Variants in ATAD2B observed in about 807,000 individuals in gnomAD.
The protein encoded by ATAD2B is ATPase family AAA domain containing 2B.
A neutral mutation model predicts 167.6 loss-of-function variants in ATAD2B; 40 were observed. The ratio of observed to expected loss-of-function variants is 0.24; its 90% CI spans 0.19 to 0.31. The LOEUF is 0.31. Ranked by LOEUF, ATAD2B falls within the 10% of genes least tolerant of loss-of-function variation. ATAD2B has a pLI of 1.00. For synonymous variants in ATAD2B, 579 were observed against 596.5 expected (o/e 0.97, Z 0.43); for missense variants, 1,242 against 1,757.2 (o/e 0.71, Z 5.24).
rs569353939 is a variant in ATAD2B at position 23,912,896 on chromosome 2, C to T, written c.216+13659G>A. 1.4e-4 allele frequency among the ~76,000 whole-genome samples: 22 copies of T among 152,096 alleles called. No individual in the cohort carries two copies. The South Asian group carries it at 2.1e-3, about 14-fold the overall frequency. ...CTGTAATTTCAGCTACTCGGGAGGC[C>T]GAGACAGGAGAATCACTGGAAACCA... On this transcript the variant is annotated intron_variant, in intron 1 of 27. Transcript: ENST00000238789.
At chr2:23,736,177 T>A in the ATAD2B span, among the ~76,000 whole-genome samples, 1 of 152,220 alleles carries the variant, frequency 6.6e-6, no homozygotes, top group Non-Finnish European at 1.5e-5. Flanking sequence ...TAATTATTTC[T>A]CATCTATACA....
intron 20 of ATAD2B, chr2:23,788,241 G>C (rs1259143894): frequency 2.8e-6 from 1 of 363,598 alleles, no homozygotes; most frequent in African/African-American, 2.0e-5. Flanking sequence ...TTTTTTCTAT[G>C]ACTTTTTGAG....
intron 19 of ATAD2B, 38 bp downstream of exon 19, chr2:23,798,100 A>G (rs1682893768): frequency 1.6e-6 from 2 of 1,281,838 alleles, no homozygotes; most frequent in African/African-American, 1.5e-5. Flanking sequence ...TTTTAGAACA[A>G]TATAATAAGG....
chr2:23,699,208 T>C, the ATAD2B span, among the ~76,000 whole-genome samples: 2 of 152,196 alleles, frequency 1.3e-5, no homozygotes, highest in Non-Finnish European at 2.9e-5. Flanking sequence ...GGCTCTGGGC[T>C]GTGACTGAGT....
At chr2:23,769,493 T>C (rs896826624) in intron 22 of ATAD2B, among the ~76,000 whole-genome samples, 2 of 152,112 alleles carry the variant, frequency 1.3e-5, no homozygotes, top group East Asian at 3.9e-4. Context: ...CAGCCCTTTG[T>C]ATCCACAGGT....
At chr2:23,806,813 T>C (rs1179383063) in intron 18 of ATAD2B, among the ~76,000 whole-genome samples, 1 of 152,212 alleles carries the variant, frequency 6.6e-6, no homozygotes, top group Non-Finnish European at 1.5e-5. Context: ...CATCTCCATT[T>C]CACAGATGAG....
At chr2:23,872,127 C>T (rs1696082620) in intron 8 of ATAD2B, 2 of 256,940 alleles carry the variant, frequency 7.8e-6, no homozygotes, top group Admixed American at 4.7e-5. Context: ...TCGCCCATCT[C>T]GGCCTCCCAA....
chr2:23,706,813 G>C, the ATAD2B span: 1 of 574,478 alleles, frequency 1.7e-6, no homozygotes, highest in Non-Finnish European at 2.9e-6. Flanking sequence ...TCTCTACATT[G>C]AATGTAGAAA....
Position 23,749,141 on chromosome 2 carries a change from T to C in ATAD2B, c.*2905A>G, listed in dbSNP as rs1222500999. 1.3e-5 allele frequency: 2 copies of C among 151,982 alleles called. No homozygotes were observed. Among genetic ancestry groups the C allele is most frequent in the Admixed American group, 6.6e-5 (1 of 15,240 alleles). The allele number at this position is 151,982 out of a possible 1,614,324, so 9.4% of individuals were successfully genotyped here. A position where few individuals can be genotyped will look rare whatever the true frequency, so the allele number is the denominator to read the frequency against. On this transcript the variant is annotated 3_prime_UTR_variant, in exon 28 of 28. Transcript: ENST00000238789. Reference sequence around the variant, plus strand: ...CAGTAAACCTACAAATACATTGGCTTATGAGAAAAATCAAGTCATGAAACA... The same window carrying C: ...CAGTAAACCTACAAATACATTGGCTCATGAGAAAAATCAAGTCATGAAACA...
intron 23 of ATAD2B, among the ~76,000 whole-genome samples, chr2:23,762,848 A>C: frequency 6.6e-6 from 1 of 152,092 alleles, no homozygotes; most frequent in East Asian, 1.9e-4. Context: ...CTAGAGATTT[A>C]TTTCTTCTAT....
At position 23,758,018 on chromosome 2, in the gene ATAD2B, C is replaced by CT; in HGVS notation, c.3477dup (p.Asp1160ArgfsTer2). ...TCTGCAAATTTGGTGTCTTCTTCAT[C>CT]TTTTTTTAAATTATTAACTTTCCTT... is the stretch of plus-strand genomic sequence containing the variant. On this transcript the variant is annotated frameshift_variant, in exon 25 of 28. Transcript: ENST00000238789. LOFTEE classifies it high-confidence loss of function. 6.2e-7 allele frequency: 1 copy of CT among 1,610,080 alleles called. No homozygotes were observed. The highest frequency in any genetic ancestry group is 1.1e-5 in the South Asian group (1 of 90,164).
chr2:23,706,410 C>G, the ATAD2B span: 1 of 1,235,978 alleles, frequency 8.1e-7, no homozygotes. Context: ...CAGGACACGA[C>G]GTTGAGAACC....
intron 25 of ATAD2B, among the ~76,000 whole-genome samples, chr2:23,756,007 T>C (rs940789748): frequency 1.3e-5 from 2 of 152,148 alleles, no homozygotes; most frequent in African/African-American, 2.4e-5. Flanking sequence ...ATCTTTATAG[T>C]GTTTAGATCA....
At chr2:23,727,993 T>C in the ATAD2B span, among the ~76,000 whole-genome samples, 5 of 152,168 alleles carry the variant, frequency 3.3e-5, no homozygotes, top group African/African-American at 1.2e-4. Flanking sequence ...TGCATGGTAT[T>C]AAACATTTGT....
intron 16 of ATAD2B, 136 bp downstream of exon 16, chr2:23,823,122 C>T: frequency 1.3e-6 from 1 of 763,520 alleles, no homozygotes; most frequent in Non-Finnish European, 2.1e-6. Context: ...AGGCAATATG[C>T]CAGGCCTGGA....
intron 14 of ATAD2B, among the ~76,000 whole-genome samples, chr2:23,829,733 G>A (rs1269377133): frequency 2.0e-5 from 3 of 152,170 alleles, no homozygotes; most frequent in Non-Finnish European, 2.9e-5. Context: ...GCCAGCCTGG[G>A]TGATAAGAGT....
chr2:23,821,510 T>C (rs572553153), intron 16 of ATAD2B, among the ~76,000 whole-genome samples: 1 of 152,346 alleles, frequency 6.6e-6, no homozygotes, highest in South Asian at 2.1e-4. Flanking sequence ...CCATGTGGTA[T>C]CTTATGTGAG....
rs757669051 is a variant in ATAD2B at position 23,880,770 on chromosome 2, A to G, written c.785-15T>C. 6.8e-7 allele frequency: 1 copy of G among 1,460,064 alleles called. No homozygotes were observed. Among genetic ancestry groups the G allele is most frequent in the African/African-American group, 1.4e-5 (1 of 71,756 alleles). 90.4% of individuals were successfully genotyped at this position (1,460,064 alleles called of 1,614,324 possible). A position where few individuals can be genotyped will look rare whatever the true frequency, so the allele number is the denominator to read the frequency against. On this transcript the variant is annotated splice_polypyrimidine_tract_variant and intron_variant, in intron 6 of 27. Transcript: ENST00000238789. ...CTCTTGAGATTCTAGTTTCCCACAC[A>G]CAAAAAGAAAAGAAAAAGGCATTAT... is the stretch of plus-strand genomic sequence containing the variant.
chr2:23,682,930 G>A, the ATAD2B span, among the ~76,000 whole-genome samples: 17 of 152,142 alleles, frequency 1.1e-4, no homozygotes, highest in South Asian at 1.0e-3. The surrounding 1 kb of genome is among the most constrained non-coding windows in gnomAD (Gnocchi z 4.1). Flanking sequence ...CCCCAACCCC[G>A]ATCCCTGAAC....
Sources: allele counts gnomAD v4.1 joint callset (sites outside exome capture counted in the v4.1 genomes callset), GRCh38; gene constraint gnomAD v4.1.1; non-coding constraint Gnocchi (gnomAD v3.1); transcripts MANE v1.5; gene names NCBI Gene and HGNC (gene_info 2026-07-23, HGNC 2026-07-21).